Variants in TRIM21 observed in about 807,000 individuals in gnomAD.
TRIM21 encodes E3 ubiquitin-protein ligase TRIM21.
In TRIM21, 35 loss-of-function variants were observed where a neutral mutation model predicts 36.1. The ratio of observed to expected loss-of-function variants is 0.97; its 90% confidence interval spans 0.74 to 1.28. The LOEUF (loss-of-function observed/expected upper bound fraction) is 1.28. Among genes scored for constraint, TRIM21 ranks in the 50% most tolerant of loss-of-function variants. TRIM21 has a pLI of 0.00. For missense variants in TRIM21, 635 were observed against 570.7 expected, an observed-to-expected ratio of 1.11 and a Z score of -1.15; for synonymous variants, 256 against 211.5, an observed-to-expected ratio of 1.21 and a Z score of -1.83.
At position 4,389,877 on chromosome 11, in the gene TRIM21, C is replaced by T. The variant is rs1328285309; in HGVS notation, c.408+125G>A. On this transcript the variant is annotated intron_variant, in intron 2 of 6. Coordinates refer to ENST00000254436, the MANE Select transcript of TRIM21 (RefSeq NM_003141.4). Reference sequence around the variant, plus strand: ...GAGGTTGGGTTTAACTTATAATTCTCCTCCTACATTAGACATGGAGAGAGG... The same window carrying T: ...GAGGTTGGGTTTAACTTATAATTCTTCTCCTACATTAGACATGGAGAGAGG... 3.3e-6 allele frequency: 5 copies of T among 1,496,636 alleles called. No homozygotes were observed. The African/African-American group carries it at 6.9e-5, about 21-fold the overall frequency. The allele number at this position is 1,496,636 out of a possible 1,614,324, so 92.7% of individuals were successfully genotyped here.
In TRIM21 at chr11:4,386,193, C is replaced by T; in HGVS notation, c.823G>A (p.Val275Met). Residue 275 changes from valine (V) to methionine (M), a missense_variant, in exon 6 of 7, where the codon GTG (valine) becomes ATG (methionine). Transcript: ENST00000254436. ...CTCAGCATCTTCTTCAGCCCTGGCA[C>T]ATGGCACACACTCCTGAGTTCTGGA... The part of the protein sequence containing the change: ...TSPELRSVCH[V>M]PGLKKMLRTC... 2 of 1,613,752 alleles carry T rather than the reference C, an allele frequency of 1.2e-6. No homozygotes were observed. Among genetic ancestry groups the T allele is most frequent in the African/African-American group, 1.3e-5 (1 of 75,028 alleles).
intron 4 of TRIM21, 28 bp from the exon 5 acceptor site, chr11:4,387,018 T>G (rs531700092): frequency 6.4e-7 from 1 of 1,566,898 alleles, no homozygotes; most frequent in Admixed American, 1.9e-5. Flanking sequence ...AGAAAGTAAG[T>G]TCTGGATTGC....
chr11:4,390,589 T>C (rs5030768), intron 1 of TRIM21, 131 bp from the exon 2 acceptor site: 97,198 of 630,200 alleles, frequency 0.15, 8,557 homozygotes, highest in South Asian at 0.29. Flanking sequence ...TCCTAAAATT[T>C]ATATGGAATC....
In TRIM21 at chr11:4,385,002, GA is replaced by G. The variant is rs201396821; in HGVS notation, c.*282del. ...GACGACATCCTAGAGATGGAGAGGA[GA>G]AAAAAAAAACTTAAGTCCCATAAAG... On this transcript the variant is annotated 3_prime_UTR_variant, in exon 7 of 7. Coordinates refer to ENST00000254436, the MANE Select transcript of TRIM21 (RefSeq NM_003141.4). 3.8e-4 allele frequency: 135 copies of G among 353,216 alleles called. No individual in the cohort carries two copies. Among genetic ancestry groups the G allele is most frequent in the East Asian group, 7.1e-4 (15 of 21,228 alleles). 21.9% of individuals were successfully genotyped at this position (353,216 alleles called of 1,614,324 possible).
chr11:4,389,685 A>T lies in TRIM21; in HGVS notation c.473T>A (p.Val158Glu). The change falls in exon 3 of 7, where the codon GTG becomes GAG. Residue 158 changes from valine (V) to glutamate (E), a missense_variant. Val to Glu is a moderately radical substitution (Grantham distance 121). Coordinates refer to ENST00000254436, the MANE Select transcript of TRIM21 (RefSeq NM_003141.4). ...GTCTGCTCTCTTTATTGCAATTTCC[A>T]CTTCCAACTTCTCAGCCAACTCCTG... The part of the protein sequence containing the change: ...RKQELAEKLE[V>E]EIAIKRADWK... The T allele has an allele frequency of 6.2e-7, 1 of 1,613,712 alleles. No individual in the cohort carries two copies. Among genetic ancestry groups the T allele is most frequent in the East Asian group, 2.2e-5 (1 of 44,844 alleles).
chr11:4,385,872 A>G lies in TRIM21; in HGVS notation c.860-19T>C. ...ATGTGGACTGCAGAGAGAGGACCAC[A>G]GTCAGGCCTTGCATGGGGGGAGTTC... On this transcript the variant is annotated intron_variant, in intron 6 of 6. Transcript: ENST00000254436. 3.2e-6 allele frequency: 5 copies of G among 1,587,278 alleles called. No homozygotes were observed. Among genetic ancestry groups the G allele is most frequent in the Non-Finnish European group, 4.3e-6 (5 of 1,166,022 alleles).
rs2094958815 is a variant in TRIM21 at position 4,388,340 on chromosome 11, A to G, written c.695T>C (p.Leu232Pro). 1.9e-6 allele frequency: 3 copies of G among 1,613,932 alleles called. No homozygotes were observed. The highest frequency in any genetic ancestry group is 2.5e-6 in the Non-Finnish European group (3 of 1,179,860). The change falls in exon 4 of 7, where the codon CTA becomes CCA. Residue 232 changes from leucine to proline, a missense_variant. Physicochemically the swap from Leu to Pro is moderately conservative, Grantham distance 98 (BLOSUM62 -3). Transcript: ENST00000254436. ...SQALQELISE[L>P]DRRCHSSALE... Reference sequence around the variant, plus strand: ...TGCTGAGCTGTGGCACCTTCGATCTAGCTCTGAGATGAGCTCCTGTAGGGC... The same window carrying G: ...TGCTGAGCTGTGGCACCTTCGATCTGGCTCTGAGATGAGCTCCTGTAGGGC...
intron 1 of TRIM21, among the ~76,000 whole-genome samples, chr11:4,392,995 T>A (rs777917209): frequency 6.6e-5 from 10 of 152,290 alleles, no homozygotes; most frequent in Admixed American, 5.2e-4. Context: ...TGCATATATG[T>A]ATGTAGGTGT....
Position 4,392,927 on chromosome 11 carries a change from G to C in TRIM21, c.-50+706C>G, listed in dbSNP as rs1046084561. Reference sequence around the variant, plus strand: ...TACCATGTACCTTCCATGTGCCAGAGATACTTCATGCTTTGAATATATCTT... The same window carrying C: ...TACCATGTACCTTCCATGTGCCAGACATACTTCATGCTTTGAATATATCTT... On this transcript the variant is annotated intron_variant, in intron 1 of 6. Coordinates refer to ENST00000254436, the MANE Select transcript of TRIM21 (RefSeq NM_003141.4). 5.3e-5 allele frequency among the ~76,000 whole-genome samples: 8 copies of C among 152,150 alleles called. No homozygotes were observed. The South Asian group carries it at 1.7e-3, about 32-fold the overall frequency.
intron 3 of TRIM21, among the ~76,000 whole-genome samples, chr11:4,389,241 G>A (rs759378227): frequency 6.6e-5 from 10 of 152,244 alleles, no homozygotes; most frequent in South Asian, 2.1e-4. Flanking sequence ...TAACCACCTG[G>A]TCAGATGGTT....
At position 4,385,085 on chromosome 11, in the gene TRIM21, C is replaced by G; in HGVS notation, c.*200G>C. On this transcript the variant is annotated 3_prime_UTR_variant, in exon 7 of 7. Coordinates refer to ENST00000254436, the MANE Select transcript of TRIM21 (RefSeq NM_003141.4). The stretch of plus-strand genomic sequence containing the variant: ...TGAGTTTGGGCCAAATATAAGGAGG[C>G]TGCTTCACTGGAGGGAATCACAAAG... 3.6e-6 allele frequency: 2 copies of G among 553,264 alleles called. No homozygotes were observed. Among genetic ancestry groups the G allele is most frequent in the Non-Finnish European group, 6.3e-6 (2 of 316,880 alleles). 34.3% of individuals were successfully genotyped at this position (553,264 alleles called of 1,614,324 possible).
At chr11:4,388,170 G>C in intron 4 of TRIM21, 130 bp downstream of exon 4, 1 of 813,504 alleles carries the variant, frequency 1.2e-6, no homozygotes, top group Non-Finnish European at 1.9e-6. Context: ...CCTTTCATGG[G>C]TTTGAATTCT....
rs1290199908 is a variant in TRIM21 at position 4,386,998 on chromosome 11, GAA to G, written c.736-10_736-9del. ...CAGGACAATTATCACCTCCTGAGGA[GAA>G]AAGAGACAGAAAGTAAGTTCTGGAT... On this transcript the variant is annotated splice_polypyrimidine_tract_variant and intron_variant, in intron 4 of 6. Transcript: ENST00000254436. The G allele has an allele frequency of 6.3e-7, 1 of 1,576,044 alleles. No individual in the cohort carries two copies. The highest frequency in any genetic ancestry group is 8.6e-7 in the Non-Finnish European group (1 of 1,159,498).
intron 1 of TRIM21, among the ~76,000 whole-genome samples, chr11:4,391,547 C>G (rs909270737): frequency 1.3e-5 from 2 of 151,632 alleles, no homozygotes; most frequent in Non-Finnish European, 3.0e-5. Context: ...GATAGAGCTA[C>G]CATATGATCC....
At chr11:4,385,887 G>A (rs2094955765) in intron 6 of TRIM21, 34 bp from the exon 7 acceptor site, 1 of 1,557,884 alleles carries the variant, frequency 6.4e-7, no homozygotes, top group Admixed American at 1.9e-5. Context: ...GGCCTTGCAT[G>A]GGGGGAGTTC....
chr11:4,385,345 G>T lies in TRIM21; in HGVS notation c.1368C>A (p.Asn456Lys), dbSNP rs771391386. ...GTGGACAGAGGGTTAGAGGGGCTGT[G>T]TTTTTTCCTCCATCATTGAAACCAG... is the stretch of plus-strand genomic sequence containing the variant. ...FSPGFNDGGK[N>K]TAPLTLCPLN... is the part of the protein sequence containing the mutation. Residue 456 changes from asparagine to lysine, a missense_variant, in exon 7 of 7, where the codon AAC becomes AAA. Asn to Lys is a moderately conservative substitution (Grantham distance 94). Coordinates refer to ENST00000254436, the MANE Select transcript of TRIM21 (RefSeq NM_003141.4). 2 of 1,613,708 alleles carry T rather than the reference G, an allele frequency of 1.2e-6. No individual in the cohort carries two copies. The highest frequency in any genetic ancestry group is 8.5e-7 in the Non-Finnish European group (1 of 1,179,856).
chr11:4,387,218 G>A (rs1380906039), intron 4 of TRIM21, among the ~76,000 whole-genome samples: 2 of 150,898 alleles, frequency 1.3e-5, no homozygotes, highest in Non-Finnish European at 2.9e-5. Context: ...CTAGGGAAGG[G>A]TTATCAGTTT....
intron 3 of TRIM21, among the ~76,000 whole-genome samples, chr11:4,389,453 A>T (rs1002960525): frequency 6.6e-6 from 1 of 152,162 alleles, no homozygotes; most frequent in Non-Finnish European, 1.5e-5. Flanking sequence ...TTCAGGCCTG[A>T]TGGGGAGCTC....
At chr11:4,387,128 G>T in intron 4 of TRIM21, 138 bp from the exon 5 acceptor site, 1 of 832,898 alleles carries the variant, frequency 1.2e-6, no homozygotes, top group South Asian at 1.7e-5. Context: ...CCCCAGAGAT[G>T]ATTCTGACCA....
Sources: gnomAD v4.1 joint callset for allele counts (sites outside exome capture counted in the v4.1 genomes callset) on GRCh38, gnomAD v4.1.1 for gene constraint, MANE v1.5 for transcripts, NCBI Gene and HGNC (gene_info 2026-07-23, HGNC 2026-07-21) for gene names.